EPN3: variants seen among roughly 807,000 people sequenced by gnomAD.
EPN3 encodes the protein epsin 3.
Under a neutral mutation model 55.5 loss-of-function variants are expected in EPN3, and 56 were observed. That is an observed-to-expected ratio of 1.01 (90% CI 0.81 to 1.26). The LOEUF is 1.26. Ranked by LOEUF, EPN3 falls within the 50% of genes most tolerant of loss-of-function variation. The pLI, the probability that EPN3 is intolerant of heterozygous loss-of-function variation, is 0.00. For synonymous variants in EPN3, 449 were observed against 375.2 expected (o/e 1.20, Z -2.27); for missense variants, 927 against 853.4 (o/e 1.09, Z -1.07).
intron 6 of EPN3, 55 bp downstream of exon 6, chr17:50,540,389 C>T (rs1189901105): frequency 3.0e-5 from 46 of 1,521,094 alleles, no homozygotes; most frequent in Non-Finnish European, 4.1e-5. Flanking sequence ...CCTCCTCCTT[C>T]CCAGCCACTT....
At chr17:50,539,439 G>C in intron 5 of EPN3, 124 bp downstream of exon 5, 2 of 1,406,074 alleles carry the variant, frequency 1.4e-6, no homozygotes, top group Admixed American at 2.2e-5. Flanking sequence ...CGATGAAATA[G>C]GGGTGGGGGT....
At chr17:50,540,659 TG>T in intron 6 of EPN3, 133 bp from the exon 7 acceptor site, 1 of 1,218,528 alleles carries the variant, frequency 8.2e-7, no homozygotes, top group Non-Finnish European at 1.1e-6. Context: ...TCCAGCCTGC[TG>T]GGTGGTCCTG....
intron 9 of EPN3, 42 bp from the exon 10 acceptor site, chr17:50,541,802 G>T (rs911216888): frequency 5.0e-6 from 8 of 1,610,262 alleles, no homozygotes; most frequent in Non-Finnish European, 5.9e-6. Flanking sequence ...CCGGTGTAGG[G>T]CTCTGAACCC....
At position 50,541,655 on chromosome 17, in the gene EPN3, G is replaced by A; in HGVS notation, c.1546G>A (p.Ala516Thr). The A allele has an allele frequency of 3.7e-6, 6 of 1,614,072 alleles. No individual in the cohort carries two copies. The highest frequency in any genetic ancestry group is 5.1e-6 in the Non-Finnish European group (6 of 1,180,018). Residue 516 changes from alanine to threonine, a missense_variant, in exon 9 of 10, where the codon GCA (alanine) becomes ACA (threonine). Coordinates refer to ENST00000268933, the MANE Select transcript of EPN3 (RefSeq NM_017957.3). ...SLVNLDSLVK[A>T]PQVAKTRNPF... Reference sequence around the variant, plus strand: ...GGTCAACCTTGACTCGTTGGTCAAGGCACCCCAGGTTGCAAAGACCCGGAA... The same window carrying A: ...GGTCAACCTTGACTCGTTGGTCAAGACACCCCAGGTTGCAAAGACCCGGAA...
chr17:50,540,824 C>T lies in EPN3; in HGVS notation c.1011C>T (p.Ser337=), dbSNP rs564152652. The change falls in exon 7 of 10, where the codon TCC becomes TCT. Residue 337 remains serine (S), a synonymous_variant. Transcript: ENST00000268933. The part of the protein sequence containing the change: ...GFRPNTEASG[S]SWGPSADPWS... ...GGCCGAACACAGAGGCCAGTGGATC[C>T]TCCTGGGGGCCTTCTGCAGACCCCT... The T allele has an allele frequency of 1.2e-6, 2 of 1,613,420 alleles. No homozygotes were observed. The highest frequency in any genetic ancestry group is 2.2e-5 in the East Asian group (1 of 44,876).
Position 50,541,960 on chromosome 17 carries a change from G to A in EPN3, c.1702G>A (p.Ala568Thr), listed in dbSNP as rs1018797486. 1 of 1,595,832 alleles carries A rather than the reference G, an allele frequency of 6.3e-7. No individual in the cohort carries two copies. The highest frequency in any genetic ancestry group is 8.5e-7 in the Non-Finnish European group (1 of 1,177,322). The change falls in exon 10 of 10, where the codon GCG (alanine) becomes ACG (threonine). Residue 568 changes from alanine to threonine, a missense_variant. By Grantham distance (58) the Ala-to-Thr change is moderately conservative (BLOSUM62 0). Coordinates refer to ENST00000268933, the MANE Select transcript of EPN3 (RefSeq NM_017957.3). ...ALGLAGGPVG[A>T]PLGSMTYSAS... ...GGGCCTGGCAGGCGGGCCTGTGGGG[G>A]CGCCCCTGGGCTCCATGACCTACAG... is the stretch of plus-strand genomic sequence containing the variant.
In EPN3 at chr17:50,542,100, G is replaced by T; in HGVS notation, c.1842G>T (p.Pro614=). The T allele has an allele frequency of 1.3e-6, 2 of 1,557,004 alleles. No homozygotes were observed. Among genetic ancestry groups the T allele is most frequent in the East Asian group, 2.5e-5 (1 of 40,716 alleles). ...AFAPQPLLPT[P]SSAGPRPPPP... ...CACCGCAGCCGCTGCTGCCCACGCCGAGCTCAGCCGGGCCGCGGCCCCCGC... is the reference window on the plus strand; with the variant it reads ...CACCGCAGCCGCTGCTGCCCACGCCTAGCTCAGCCGGGCCGCGGCCCCCGC... Residue 614 remains proline (P), a synonymous_variant, in exon 10 of 10, where the codon CCG becomes CCT. Transcript: ENST00000268933.
At chr17:50,537,279 G>C in intron 2 of EPN3, 161 bp downstream of exon 2, 1 of 712,438 alleles carries the variant, frequency 1.4e-6, no homozygotes, top group Admixed American at 2.9e-5. Flanking sequence ...CGGCACATAG[G>C]AGGTGCTCAA....
At position 50,540,802 on chromosome 17, in the gene EPN3, C is replaced by A. The variant is rs371253163; in HGVS notation, c.989C>A (p.Pro330Gln). The A allele has an allele frequency of 3.7e-6, 6 of 1,608,768 alleles. No homozygotes were observed. Among genetic ancestry groups the A allele is most frequent in the Non-Finnish European group, 5.1e-6 (6 of 1,176,594 alleles). Residue 330 changes from proline to glutamine, a missense_variant, in exon 7 of 10, where the codon CCG becomes CAG. By Grantham distance (76) the Pro-to-Gln change is moderately conservative. Transcript: ENST00000268933. ...GCTGTTCCCATTTCAGGTTTTAGGCCGAACACAGAGGCCAGTGGATCCTCC... is the reference window on the plus strand; with the variant it reads ...GCTGTTCCCATTTCAGGTTTTAGGCAGAACACAGAGGCCAGTGGATCCTCC... The part of the protein sequence containing the change: ...ADPWDIPGFR[P>Q]NTEASGSSWG...
intron 5 of EPN3, 38 bp downstream of exon 5, chr17:50,539,353 C>T: frequency 6.2e-7 from 1 of 1,612,374 alleles, no homozygotes; most frequent in Non-Finnish European, 8.5e-7. Flanking sequence ...TGGACAGGGC[C>T]TAAGAGATGG....
In EPN3 at chr17:50,541,308, C is replaced by A; in HGVS notation, c.1329C>A (p.Pro443=). ...ETKEGLEQAL[P]SGKPSSPVEL... Reference sequence around the variant, plus strand: ...AGGAGGGGCTGGAGCAGGCCCTGCCCTCTGGGAAGCCCAGCAGCCCTGTGG... The same window carrying A: ...AGGAGGGGCTGGAGCAGGCCCTGCCATCTGGGAAGCCCAGCAGCCCTGTGG... The change falls in exon 8 of 10, where the codon CCC becomes CCA. Residue 443 remains proline, a synonymous_variant. Transcript: ENST00000268933. The A allele has an allele frequency of 1.9e-6, 3 of 1,612,838 alleles. No homozygotes were observed. The highest frequency in any genetic ancestry group is 2.5e-6 in the Non-Finnish European group (3 of 1,180,006).
At chr17:50,533,092 G>C (rs112115528) in intron 1 of EPN3, 107 bp downstream of exon 1, 1 of 669,182 alleles carries the variant, frequency 1.5e-6, no homozygotes, top group Admixed American at 3.4e-5. Context: ...CAGGTGCGAG[G>C]GAGAAGGCTG....
chr17:50,540,097 T>C (rs1165832067), intron 5 of EPN3, 150 bp from the exon 6 acceptor site: 19 of 535,992 alleles, frequency 3.5e-5, no homozygotes, highest in Non-Finnish European at 5.9e-5. Context: ...CATTATAAAC[T>C]GTAAAGCACT....
In EPN3 at chr17:50,536,550, T is replaced by A. The variant is rs773325846; in HGVS notation, c.-7T>A. 40 of 1,613,232 alleles carry A rather than the reference T, an allele frequency of 2.5e-5. No individual in the cohort carries two copies. The highest frequency in any genetic ancestry group is 3.4e-5 in the Non-Finnish European group (40 of 1,179,978). On this transcript the variant is annotated 5_prime_UTR_variant, in exon 2 of 10. Coordinates refer to ENST00000268933, the MANE Select transcript of EPN3 (RefSeq NM_017957.3). Reference sequence around the variant, plus strand: ...GGCGAGGGCCACCCACCTCCAAGTCTCCAGCCATGACGACCTCCGCACTCC... The same window carrying A: ...GGCGAGGGCCACCCACCTCCAAGTCACCAGCCATGACGACCTCCGCACTCC...
At position 50,536,988 on chromosome 17, in the gene EPN3, A is replaced by G. The variant is rs747697436; in HGVS notation, c.432A>G (p.Arg144=). Residue 144 remains arginine, a synonymous_variant, in exon 2 of 10, where the codon CGA becomes CGG. Coordinates refer to ENST00000268933, the MANE Select transcript of EPN3 (RefSeq NM_017957.3). ...LKDEERLRQE[R]THALKTKERM... is the part of the protein sequence containing the mutation. ...ATGAGGAGCGGCTGCGGCAGGAGCG[A>G]ACCCACGCCCTCAAGACCAAGGAGC... The G allele has an allele frequency of 6.2e-7, 1 of 1,613,734 alleles. No homozygotes were observed. Among genetic ancestry groups the G allele is most frequent in the South Asian group, 1.1e-5 (1 of 91,074 alleles).
In EPN3 at chr17:50,539,227, A is replaced by G. The variant is rs138242122; in HGVS notation, c.803A>G (p.Asn268Ser). 70 of 1,614,038 alleles carry G rather than the reference A, an allele frequency of 4.3e-5. No individual in the cohort carries two copies. In the African/African-American group the frequency reaches 6.7e-4, roughly 15 times the overall value. ...SWQGDGSPMA[N>S]GAGAVVHHQR... Reference sequence around the variant, plus strand: ...CAGGGTGATGGCTCCCCCATGGCCAATGGTGCAGGGGCCGTGGTCCACCAT... The same window carrying G: ...CAGGGTGATGGCTCCCCCATGGCCAGTGGTGCAGGGGCCGTGGTCCACCAT... Residue 268 changes from asparagine (N) to serine (S), a missense_variant, in exon 5 of 10, where the codon AAT (asparagine) becomes AGT (serine). Physicochemically the swap from Asn to Ser is conservative, Grantham distance 46 (BLOSUM62 1). Coordinates refer to ENST00000268933, the MANE Select transcript of EPN3 (RefSeq NM_017957.3).
At position 50,542,150 on chromosome 17, in the gene EPN3, TC is replaced by T; in HGVS notation, c.1894del (p.Leu632SerfsTer32). The T allele has an allele frequency of 6.7e-7, 1 of 1,499,166 alleles. No individual in the cohort carries two copies. Among genetic ancestry groups the T allele is most frequent in the Non-Finnish European group, 8.8e-7 (1 of 1,132,910 alleles). The allele number at this position is 1,499,166 out of a possible 1,614,324, so 92.9% of individuals were successfully genotyped here. A position where few individuals can be genotyped will look rare whatever the true frequency, so the allele number is the denominator to read the frequency against. ...PPPPQTGTNP[F>X]L is the part of the protein sequence containing the mutation. ...CCCCCGCAGACCGGCACCAACCCCT[TC>T]CTCTGAGCCCCGCCCCGTCCCATAC... On this transcript the variant is annotated frameshift_variant, in exon 10 of 10. Transcript: ENST00000268933. LOFTEE classifies it high-confidence loss of function.
At position 50,540,683 on chromosome 17, in the gene EPN3, A is replaced by G. The variant is rs373873466; in HGVS notation, c.980-110A>G. The G allele has an allele frequency of 4.9e-4, 690 of 1,405,466 alleles. 6 individuals carry two copies. In the African/African-American group the frequency reaches 8.7e-3, roughly 18 times the overall value. The allele number at this position is 1,405,466 out of a possible 1,614,324, so 87.1% of individuals were successfully genotyped here. On this transcript the variant is annotated intron_variant, in intron 6 of 9. Coordinates refer to ENST00000268933, the MANE Select transcript of EPN3 (RefSeq NM_017957.3). Reference sequence around the variant, plus strand: ...CTGGGTGGTCCTGAGGCTGCAGGCCATCTGTGACATGGATCTTCTGCCTCC... The same window carrying G: ...CTGGGTGGTCCTGAGGCTGCAGGCCGTCTGTGACATGGATCTTCTGCCTCC...
Position 50,538,076 on chromosome 17 carries a change from C to T in EPN3, c.563-3C>T, listed in dbSNP as rs2034790818. On this transcript the variant is annotated splice_region_variant and splice_polypyrimidine_tract_variant and intron_variant, in intron 2 of 9. Coordinates refer to ENST00000268933, the MANE Select transcript of EPN3 (RefSeq NM_017957.3). ...GGTCACAGAGACATGATGGTCATTG[C>T]AGCCTCCTCTTCGTCACCCCGCTAT... is the stretch of plus-strand genomic sequence containing the variant. The T allele has an allele frequency of 2.6e-5, 42 of 1,611,380 alleles. No individual in the cohort carries two copies. Among genetic ancestry groups the T allele is most frequent in the Non-Finnish European group, 3.3e-5 (39 of 1,177,826 alleles).
Sources: allele counts gnomAD v4.1 joint callset, GRCh38; gene constraint gnomAD v4.1.1; transcripts MANE v1.5; gene names NCBI Gene and HGNC (gene_info 2026-07-23, HGNC 2026-07-21).